The following TEX9 variants were observed in gnomAD, a reference collection of about 807,000 sequenced individuals.
TEX9 encodes the protein testis-expressed protein 9.
TEX9 carries 74 observed loss-of-function variants against 59.6 expected under a neutral mutation model. The ratio of observed to expected loss-of-function variants is 1.24; its 90% CI spans 1.03 to 1.51. The LOEUF (loss-of-function observed/expected upper bound fraction) is 1.51, where lower values mean the gene tolerates loss of function less well. Ranked by LOEUF, TEX9 falls within the 40% of genes most tolerant of loss-of-function variation. The pLI is 0.00. For missense variants in TEX9, 522 were observed against 447.8 expected (o/e 1.17, Z -1.49); for synonymous variants, 186 against 152.2 (o/e 1.22, Z -1.64).
At chr15:56,361,302 GTTTAGAT>G (rs1567097457), upstream of TEX9, among the ~76,000 whole-genome samples, 1 of 152,096 alleles carries the variant, frequency 6.6e-6, no homozygotes, top group Non-Finnish European at 1.5e-5. Context: ...GACATTCAGA[GTTTAGAT>G]TTTTCTTCTT....
chr15:56,273,608 C>T (rs2044600954), intron 1 of TEX9, among the ~76,000 whole-genome samples: 1 of 151,594 alleles, frequency 6.6e-6, no homozygotes, highest in African/African-American at 2.4e-5. Context: ...TTCTGTCTAG[C>T]TCTGATTCTT....
intron 9 of TEX9, among the ~76,000 whole-genome samples, chr15:56,407,268 C>A: frequency 6.6e-6 from 1 of 152,086 alleles, no homozygotes; most frequent in East Asian, 1.9e-4. Flanking sequence ...TATGGGTCTT[C>A]TTTGAACTAT....
At chr15:56,301,870 C>T (rs987801213) in intron 1 of TEX9, among the ~76,000 whole-genome samples, 4 of 152,044 alleles carry the variant, frequency 2.6e-5, no homozygotes, top group South Asian at 2.1e-4. Flanking sequence ...TCAATGGTAA[C>T]GGTAAGTACA....
intron 9 of TEX9, among the ~76,000 whole-genome samples, chr15:56,406,718 T>A (rs2049098768): frequency 6.6e-6 from 1 of 152,194 alleles, no homozygotes; most frequent in Admixed American, 6.5e-5. Flanking sequence ...CATCTTTTCA[T>A]GTGTTTCTTG....
At chr15:56,308,202 G>A (rs1481613147) in intron 1 of TEX9, among the ~76,000 whole-genome samples, 1 of 152,104 alleles carries the variant, frequency 6.6e-6, no homozygotes, top group Non-Finnish European at 1.5e-5. Context: ...AGTGTATAAG[G>A]GTTCCAATTT....
intron 1 of TEX9, among the ~76,000 whole-genome samples, chr15:56,278,585 G>A (rs2044737617): frequency 6.6e-6 from 1 of 152,126 alleles, no homozygotes; most frequent in Non-Finnish European, 1.5e-5. Context: ...ATGTCTTTAT[G>A]GGGATATGGG....
chr15:56,403,418 T>A lies in TEX9; in HGVS notation c.828+8584T>A, dbSNP rs567511940. 5.2e-4 allele frequency among the ~76,000 whole-genome samples: 79 copies of A among 152,252 alleles called. 1 individual carries two copies. Among genetic ancestry groups the A allele is most frequent in the Non-Finnish European group, 1.1e-3 (73 of 68,038 alleles). ...AGAATCAAATACCTAGGAATCCAAC[T>A]TACAAGGGATGTGAAGGACCTCTTC... is the stretch of plus-strand genomic sequence containing the variant. On this transcript the variant is annotated intron_variant, in intron 9 of 12. Coordinates refer to ENST00000352903, the Ensembl canonical transcript of TEX9.
chr15:56,265,590 A>G (rs2044361570), intron 1 of TEX9, among the ~76,000 whole-genome samples: 2 of 152,136 alleles, frequency 1.3e-5, no homozygotes, highest in South Asian at 2.1e-4. Context: ...ACTATTTTCC[A>G]ATTTTCTTTG....
chr15:56,395,072 C>T lies in TEX9; in HGVS notation c.828+238C>T, dbSNP rs137999336. ...AGAATTGTGCAACTATCACCACAACCATTTTCATAATCCCTAAAAGATACT... is the reference window on the plus strand; with the variant it reads ...AGAATTGTGCAACTATCACCACAACTATTTTCATAATCCCTAAAAGATACT... On this transcript the variant is annotated intron_variant, in intron 9 of 12. Coordinates refer to ENST00000352903, the Ensembl canonical transcript of TEX9. 572 of 509,104 alleles carry T rather than the reference C, an allele frequency of 1.1e-3. 4 individuals carry two copies. Among genetic ancestry groups the T allele is most frequent in the Admixed American group, 3.7e-3 (97 of 26,552 alleles). 31.5% of individuals were successfully genotyped at this position (509,104 alleles called of 1,614,324 possible). A position where few individuals can be genotyped will look rare whatever the true frequency, so the allele number is the denominator to read the frequency against.
chr15:56,292,015 C>G (rs2045106355), intron 1 of TEX9, among the ~76,000 whole-genome samples: 2 of 152,196 alleles, frequency 1.3e-5, no homozygotes, highest in South Asian at 4.1e-4. Context: ...AACTGAGGCG[C>G]TGGCATAGAA....
At chr15:56,377,205 T>A (rs1046811458) in intron 3 of TEX9, among the ~76,000 whole-genome samples, 19 of 152,186 alleles carry the variant, frequency 1.2e-4, no homozygotes, top group African/African-American at 3.9e-4. Flanking sequence ...TCAAGTTTTG[T>A]TCTTTTTGCT....
chr15:56,372,928 A>G (rs150102786), intron 2 of TEX9, among the ~76,000 whole-genome samples: 166 of 152,258 alleles, frequency 1.1e-3, no homozygotes, highest in Middle Eastern at 3.4e-3. Flanking sequence ...GAAGCTTGAT[A>G]TTAAAGTATG....
At chr15:56,437,340 T>C (rs1465351065) in intron 12 of TEX9, among the ~76,000 whole-genome samples, 1 of 152,086 alleles carries the variant, frequency 6.6e-6, no homozygotes, top group East Asian at 1.9e-4. Context: ...TAATCCAGCA[T>C]ATAAACAGAA....
downstream of TEX9, chr15:56,447,037 A>C: frequency 2.8e-6 from 2 of 726,034 alleles, no homozygotes; most frequent in Non-Finnish European, 4.1e-6. Context: ...TAATTTACTC[A>C]AAGAGGGAAT....
chr15:56,262,486 T>C (rs1307189916), intron 1 of TEX9, among the ~76,000 whole-genome samples: 1 of 152,246 alleles, frequency 6.6e-6, no homozygotes, highest in African/African-American at 2.4e-5. Context: ...ATTTCAATAC[T>C]TTTGAAGCTT....
chr15:56,296,092 A>G (rs1305524861), intron 1 of TEX9, among the ~76,000 whole-genome samples: 1 of 152,212 alleles, frequency 6.6e-6, no homozygotes, highest in Admixed American at 6.5e-5. Context: ...TAAGTGGATC[A>G]GTTCCTCCTT....
intron 12 of TEX9, chr15:56,431,564 AACT>A: frequency 2.6e-6 from 4 of 1,532,644 alleles, no homozygotes; most frequent in Non-Finnish European, 3.6e-6. Context: ...TTTCAAATAA[AACT>A]ACTCATGCAA....
At chr15:56,339,402 A>C (rs1381862945) in intron 1 of TEX9, among the ~76,000 whole-genome samples, 79 of 79,586 alleles carry the variant, frequency 9.9e-4, no homozygotes, top group African/African-American at 2.2e-3. Context: ...AAAAAAAAAA[A>C]AAAAAAAAAA....
exon 8 of TEX9, chr15:56,394,196 C>A: frequency 1.2e-6 from 2 of 1,608,516 alleles, no homozygotes; most frequent in Non-Finnish European, 1.7e-6. Flanking sequence ...AGGCCAAACT[C>A]CATGTTATGC....
Sources: allele counts gnomAD v4.1 joint callset (sites outside exome capture counted in the v4.1 genomes callset), GRCh38; gene constraint gnomAD v4.1.1; transcripts MANE v1.5; gene names NCBI Gene and HGNC (gene_info 2026-07-23, HGNC 2026-07-21).